CDH12: variants seen among roughly 807,000 people sequenced by gnomAD.
CDH12 encodes cadherin 12, also known as cadherin-12.
CDH12 carries 41 observed loss-of-function variants against 74.1 expected under a neutral mutation model. The observed-to-expected ratio is 0.55, with a 90% CI of 0.43 to 0.72. The LOEUF is 0.72. Ranked by LOEUF, CDH12 falls within the 30% of genes least tolerant of loss-of-function variation. CDH12 has a pLI of 0.00. For missense variants in CDH12, 945 were observed against 977.2 expected, an observed-to-expected ratio of 0.97 and a Z score of 0.44; for synonymous variants, 399 against 355.0, an observed-to-expected ratio of 1.12 and a Z score of -1.39.
intron 2 of CDH12, among the ~76,000 whole-genome samples, chr5:22,433,784 G>A (rs1203639238): frequency 6.6e-6 from 1 of 152,154 alleles, no homozygotes; most frequent in Non-Finnish European, 1.5e-5. Flanking sequence ...CAGTGTGAAT[G>A]CCCTTCAACT....
chr5:22,717,514 G>A (rs924540514), intron 1 of CDH12, among the ~76,000 whole-genome samples: 1 of 152,098 alleles, frequency 6.6e-6, no homozygotes, highest in Non-Finnish European at 1.5e-5. Context: ...CTCATTAAGT[G>A]ATGGCATATC....
At chr5:22,462,993 G>C (rs1456018216) in intron 2 of CDH12, among the ~76,000 whole-genome samples, 2 of 152,060 alleles carry the variant, frequency 1.3e-5, no homozygotes, top group Non-Finnish European at 2.9e-5. Context: ...CAACATTAAG[G>C]AGAAAACACC....
chr5:22,411,050 G>A (rs1743149841), intron 2 of CDH12, among the ~76,000 whole-genome samples: 2 of 151,958 alleles, frequency 1.3e-5, no homozygotes, highest in South Asian at 4.1e-4. Flanking sequence ...CTACAAAAAG[G>A]AATGTTGACA....
chr5:21,751,659 A>C lies in CDH12; in HGVS notation c.*78T>G. On this transcript the variant is annotated 3_prime_UTR_variant, in exon 15 of 15. Coordinates refer to ENST00000382254, the MANE Select transcript of CDH12 (RefSeq NM_004061.5). ...GTGTGTGTGTGTGTGTGTGAGAGAG[A>C]TTTCTATTAATATTTGTGTTTCTTT... is the stretch of plus-strand genomic sequence containing the variant. 2.9e-6 allele frequency: 2 copies of C among 694,648 alleles called. No homozygotes were observed. The highest frequency in any genetic ancestry group is 2.2e-6 in the Non-Finnish European group (1 of 445,866). 43.0% of individuals were successfully genotyped at this position (694,648 alleles called of 1,614,324 possible).
At chr5:22,366,277 A>G (rs776600086) in intron 3 of CDH12, among the ~76,000 whole-genome samples, 7 of 151,958 alleles carry the variant, frequency 4.6e-5, no homozygotes, top group Admixed American at 6.6e-5. Context: ...TATCTAGAAA[A>G]TATTTATTCT....
intron 6 of CDH12, among the ~76,000 whole-genome samples, chr5:21,948,880 G>C (rs1362387671): frequency 6.6e-6 from 1 of 152,002 alleles, no homozygotes; most frequent in African/African-American, 2.4e-5. Flanking sequence ...CAGGAGATCT[G>C]ATGGTTTTGT....
intron 3 of CDH12, among the ~76,000 whole-genome samples, chr5:22,242,104 C>A (rs527824200): frequency 6.6e-6 from 1 of 152,154 alleles, no homozygotes; most frequent in East Asian, 1.9e-4. Context: ...TATTTGTATT[C>A]ACTTGAACTA....
chr5:22,033,149 T>C (rs1010172645), intron 5 of CDH12, among the ~76,000 whole-genome samples: 1 of 152,128 alleles, frequency 6.6e-6, no homozygotes, highest in Non-Finnish European at 1.5e-5. Flanking sequence ...TTTAGCAATG[T>C]ATTTTGTTGC....
chr5:22,367,098 C>A (rs1016186099), intron 3 of CDH12, among the ~76,000 whole-genome samples: 3 of 151,978 alleles, frequency 2.0e-5, no homozygotes, highest in South Asian at 4.1e-4. Flanking sequence ...TGATTAAGTT[C>A]TTTTGGTTAC....
At chr5:22,069,576 G>A (rs1332612784) in intron 5 of CDH12, among the ~76,000 whole-genome samples, 1 of 152,150 alleles carries the variant, frequency 6.6e-6, no homozygotes, top group African/African-American at 2.4e-5. Context: ...GTTCCAGAAG[G>A]AGGCATGTTT....
intron 1 of CDH12, among the ~76,000 whole-genome samples, chr5:22,687,255 C>T (rs966190647): frequency 8.6e-5 from 13 of 151,524 alleles, no homozygotes; most frequent in Non-Finnish European, 1.8e-4. Flanking sequence ...GATTGAGCCA[C>T]TGTACTGCAG....
At chr5:21,910,176 T>A (rs988581216) in intron 6 of CDH12, among the ~76,000 whole-genome samples, 4 of 152,128 alleles carry the variant, frequency 2.6e-5, no homozygotes, top group Non-Finnish European at 5.9e-5. Flanking sequence ...AAACAGAGCA[T>A]CCCACATGCA....
rs189574526 is a variant in CDH12 at position 22,007,695 on chromosome 5, C to A, written c.232-32310G>T. Among the ~76,000 whole-genome samples, 55 of 152,228 alleles carry A rather than the reference C, an allele frequency of 3.6e-4. No homozygotes were observed. The East Asian group carries it at 0.01, about 28-fold the overall frequency. On this transcript the variant is annotated intron_variant, in intron 5 of 14. Transcript: ENST00000382254. ...GTATAGAGATGCAAACCGAAAATAA[C>A]AGGGACTAAACCTTCTCCCCATGGT...
chr5:22,153,686 C>T (rs1277924155), intron 4 of CDH12, among the ~76,000 whole-genome samples: 2 of 148,666 alleles, frequency 1.3e-5, no homozygotes, highest in African/African-American at 4.9e-5. Flanking sequence ...TAAATAGGAA[C>T]CTAATGCCTG....
At chr5:21,797,322 A>G (rs1049482411) in intron 10 of CDH12, among the ~76,000 whole-genome samples, 1 of 152,170 alleles carries the variant, frequency 6.6e-6, no homozygotes, top group Non-Finnish European at 1.5e-5. Flanking sequence ...CAAACAGCAT[A>G]TCTAACCATG....
intron 4 of CDH12, among the ~76,000 whole-genome samples, chr5:22,090,627 A>ACC (rs1561099133): frequency 1.3e-5 from 2 of 150,988 alleles, no homozygotes; most frequent in African/African-American, 2.4e-5. Context: ...ACACACACAC[A>ACC]CCCTCCTGAA....
At chr5:22,146,622 G>T (rs1747202101) in intron 4 of CDH12, among the ~76,000 whole-genome samples, 1 of 152,016 alleles carries the variant, frequency 6.6e-6, no homozygotes, top group African/African-American at 2.4e-5. Context: ...TAGTTACCTA[G>T]AAAACAAATC....
At chr5:22,711,084 A>G (rs1743264294) in intron 1 of CDH12, among the ~76,000 whole-genome samples, 1 of 152,104 alleles carries the variant, frequency 6.6e-6, no homozygotes, top group Admixed American at 6.6e-5. Flanking sequence ...TTTTTATCCT[A>G]GTACTTAATC....
intron 8 of CDH12, among the ~76,000 whole-genome samples, chr5:21,824,822 C>T (rs1403533000): frequency 1.3e-5 from 2 of 151,972 alleles, no homozygotes; most frequent in African/African-American, 4.8e-5. Context: ...CATAATTTTC[C>T]CTCTACTTCA....
Sources: gnomAD v4.1 joint callset for allele counts (sites outside exome capture counted in the v4.1 genomes callset) on GRCh38, gnomAD v4.1.1 for gene constraint, MANE v1.5 for transcripts, NCBI Gene and HGNC (gene_info 2026-07-23, HGNC 2026-07-21) for gene names.